DACH1: variants seen among roughly 807,000 people sequenced by gnomAD.
The protein encoded by DACH1 is dachshund homolog 1.
DACH1 carries 12 observed loss-of-function variants against 54.2 expected under a neutral mutation model. That is an observed-to-expected ratio of 0.22 (90% CI 0.14 to 0.36). DACH1 has a LOEUF of 0.36. Ranked by LOEUF, DACH1 falls within the 10% of genes least tolerant of loss-of-function variation. DACH1 has a pLI of 1.00. For missense variants in DACH1, 805 were observed against 929.8 expected, an observed-to-expected ratio of 0.87 and a Z score of 1.75; for synonymous variants, 386 against 366.2, an observed-to-expected ratio of 1.05 and a Z score of -0.62.
chr13:71,864,434 G>A (rs922054098), intron 1 of DACH1, among the ~76,000 whole-genome samples: 2 of 152,046 alleles, frequency 1.3e-5, no homozygotes, highest in Non-Finnish European at 2.9e-5. Flanking sequence ...TCAACCCAAT[G>A]TCCTTCTGGT....
chr13:71,858,040 A>G (rs1169563563), intron 1 of DACH1, among the ~76,000 whole-genome samples: 2 of 151,692 alleles, frequency 1.3e-5, no homozygotes, highest in Non-Finnish European at 3.0e-5. Context: ...AAGTGAATGT[A>G]ATACACTATT....
intron 2 of DACH1, among the ~76,000 whole-genome samples, chr13:71,656,823 T>C (rs796298343): frequency 6.8e-6 from 1 of 147,210 alleles, no homozygotes; most frequent in Admixed American, 6.8e-5. Context: ...GATAGACAGA[T>C]AGATAGACAG....
intron 7 of DACH1, among the ~76,000 whole-genome samples, chr13:71,482,147 C>T (rs1258788022): frequency 2.0e-5 from 3 of 151,974 alleles, no homozygotes; most frequent in African/African-American, 7.3e-5. Context: ...CTGAGTGAGA[C>T]ATAATGGTTG....
At position 71,747,107 on chromosome 13, in the gene DACH1, AT is replaced by A. The variant is rs1884631976; in HGVS notation, c.849-65198del. On this transcript the variant is annotated intron_variant, in intron 1 of 10. Transcript: ENST00000613252. ...TGTGTTTGTATATACAAATAGTTGT[AT>A]GATATATAATATCTATTTTCTGCAA... Among the ~76,000 whole-genome samples, 4 of 152,254 alleles carry A rather than the reference AT, an allele frequency of 2.6e-5. No individual in the cohort carries two copies. In the South Asian group the frequency reaches 8.3e-4, roughly 32 times the overall value.
chr13:71,717,448 T>G (rs1019170775), intron 1 of DACH1, among the ~76,000 whole-genome samples: 1 of 151,616 alleles, frequency 6.6e-6, no homozygotes, highest in Non-Finnish European at 1.5e-5. Context: ...CCTCATTGAT[T>G]AGTTTGCTAA....
At chr13:71,520,249 A>T (rs1410964723) in intron 6 of DACH1, among the ~76,000 whole-genome samples, 5 of 151,634 alleles carry the variant, frequency 3.3e-5, no homozygotes, top group Admixed American at 6.6e-5. Context: ...CCATCTTCAG[A>T]AGATTATGGT....
chr13:71,675,457 C>T (rs1880504797), intron 2 of DACH1: 8 of 1,491,322 alleles, frequency 5.4e-6, no homozygotes, highest in Middle Eastern at 3.4e-4. Flanking sequence ...ACGCCGCATA[C>T]GTGGAGAACG....
chr13:71,459,794 C>T (rs182421713), intron 10 of DACH1, among the ~76,000 whole-genome samples: 155 of 151,910 alleles, frequency 1.0e-3, no homozygotes, highest in African/African-American at 3.6e-3. Flanking sequence ...TCATTAGTCA[C>T]CTAATATTGC....
chr13:71,505,373 G>A (rs1202062580), intron 6 of DACH1, among the ~76,000 whole-genome samples: 5 of 152,132 alleles, frequency 3.3e-5, no homozygotes, highest in Admixed American at 1.3e-4. Context: ...AAGCCACTGC[G>A]CCCAGCCTAA....
intron 2 of DACH1, among the ~76,000 whole-genome samples, chr13:71,663,863 C>A (rs1313099969): frequency 8.9e-4 from 136 of 151,964 alleles, no homozygotes; most frequent in African/African-American, 3.0e-3. Flanking sequence ...ATGTAGATTT[C>A]CAGAGTTCAA....
chr13:71,469,302 T>C (rs911222077), intron 10 of DACH1, among the ~76,000 whole-genome samples: 4 of 151,718 alleles, frequency 2.6e-5, no homozygotes, highest in Admixed American at 2.6e-4. Context: ...CCTGTCTAAA[T>C]GAAAGAAAAT....
chr13:71,495,889 CA>C (rs1327982969), intron 6 of DACH1, among the ~76,000 whole-genome samples: 1 of 151,920 alleles, frequency 6.6e-6, no homozygotes, highest in African/African-American at 2.4e-5. Flanking sequence ...TTCACAGTGG[CA>C]AAAATATAAA....
At chr13:71,508,861 T>C (rs956982925) in intron 6 of DACH1, among the ~76,000 whole-genome samples, 1 of 152,136 alleles carries the variant, frequency 6.6e-6, no homozygotes, top group Non-Finnish European at 1.5e-5. Flanking sequence ...AAAAACTTAG[T>C]TTCCCCAAAT....
chr13:71,598,780 A>G (rs1031661266), intron 3 of DACH1, among the ~76,000 whole-genome samples: 11 of 152,152 alleles, frequency 7.2e-5, no homozygotes, highest in Non-Finnish European at 1.3e-4. Flanking sequence ...TAGAAAACCT[A>G]TTTAATAGTT....
At chr13:71,620,799 T>C (rs745671340) in intron 3 of DACH1, among the ~76,000 whole-genome samples, 1 of 152,146 alleles carries the variant, frequency 6.6e-6, no homozygotes, top group African/African-American at 2.4e-5. Context: ...ATGTAGTATC[T>C]TCCAGTATGA....
intron 3 of DACH1, among the ~76,000 whole-genome samples, chr13:71,611,704 T>C (rs772827798): frequency 1.3e-5 from 2 of 152,202 alleles, no homozygotes; most frequent in East Asian, 1.9e-4. Context: ...GATTTAATAT[T>C]ACATGCTTTT....
At chr13:71,564,176 C>T (rs1044717769) in intron 4 of DACH1, among the ~76,000 whole-genome samples, 9 of 151,804 alleles carry the variant, frequency 5.9e-5, no homozygotes, top group African/African-American at 2.2e-4. Flanking sequence ...ATAATTATTA[C>T]TGAAACAAAA....
intron 1 of DACH1, among the ~76,000 whole-genome samples, chr13:71,722,243 T>A (rs745619381): frequency 2.0e-5 from 3 of 152,186 alleles, no homozygotes; most frequent in Non-Finnish European, 4.4e-5. Flanking sequence ...TCTTACTAAC[T>A]CCCTCCATAT....
intron 4 of DACH1, among the ~76,000 whole-genome samples, chr13:71,562,088 T>G (rs1884619746): frequency 6.6e-6 from 1 of 152,182 alleles, no homozygotes; most frequent in African/African-American, 2.4e-5. Context: ...TAATGATAAC[T>G]TGTTGAACTT....
Sources: allele counts gnomAD v4.1 joint callset (sites outside exome capture counted in the v4.1 genomes callset), GRCh38; gene constraint gnomAD v4.1.1; transcripts MANE v1.5; gene names NCBI Gene and HGNC (gene_info 2026-07-23, HGNC 2026-07-21).